Variants in DAG1 observed in about 807,000 individuals in gnomAD.
DAG1 encodes dystroglycan 1, also known as dystroglycan 1 (dystrophin-associated glycoprotein 1).
In DAG1, 8 loss-of-function variants were observed where a neutral mutation model predicts 46.1. The ratio of observed to expected loss-of-function variants is 0.17; its 90% CI spans 0.10 to 0.31. DAG1 has a LOEUF of 0.31. Among genes scored for constraint, DAG1 ranks in the 10% least tolerant of loss-of-function variants. The pLI, the probability that DAG1 is intolerant of heterozygous loss-of-function variation, is 1.00. For synonymous variants in DAG1, 495 were observed against 481.8 expected (o/e 1.03, Z -0.36); for missense variants, 1,003 against 1,189.9 (o/e 0.84, Z 2.31).
At chr3:49,511,838 T>C (rs1396493567) in intron 2 of DAG1, among the ~76,000 whole-genome samples, 1 of 152,220 alleles carries the variant, frequency 6.6e-6, no homozygotes, top group Admixed American at 6.5e-5. Context: ...TTTTAGGCTT[T>C]GCAGGCCATA....
At chr3:49,526,115 T>A (rs2051164367) in intron 2 of DAG1, among the ~76,000 whole-genome samples, 1 of 152,184 alleles carries the variant, frequency 6.6e-6, no homozygotes, top group African/African-American at 2.4e-5. Flanking sequence ...CCTCCCAAAG[T>A]ACTAGGATTA....
intron 1 of DAG1, among the ~76,000 whole-genome samples, chr3:49,503,057 T>C (rs1031338107): frequency 3.3e-5 from 5 of 152,260 alleles, no homozygotes; most frequent in African/African-American, 1.2e-4. Flanking sequence ...ACATTAGGAT[T>C]GTTTTTAACT....
intron 1 of DAG1, among the ~76,000 whole-genome samples, chr3:49,500,106 G>A (rs1433627322): frequency 1.1e-4 from 3 of 27,996 alleles, no homozygotes; most frequent in Non-Finnish European, 2.3e-4. Context: ...TCCGCTTCCC[G>A]GGTTCAAGCA....
chr3:49,471,766 C>T (rs1439643955), intron 1 of DAG1, among the ~76,000 whole-genome samples: 3 of 152,232 alleles, frequency 2.0e-5, no homozygotes, highest in African/African-American at 7.2e-5. Flanking sequence ...TTTTGATTCA[C>T]TACCTGCCAA....
At chr3:49,515,316 A>ATT (rs1465957776) in intron 2 of DAG1, among the ~76,000 whole-genome samples, 3 of 132,636 alleles carry the variant, frequency 2.3e-5, no homozygotes, top group Non-Finnish European at 1.6e-5. Flanking sequence ...TAGCTTGAGT[A>ATT]TTTTTTTACC....
intron 1 of DAG1, among the ~76,000 whole-genome samples, chr3:49,477,399 C>T (rs1235755759): frequency 6.6e-6 from 1 of 152,162 alleles, no homozygotes; most frequent in Non-Finnish European, 1.5e-5. Flanking sequence ...TCAAGCCATC[C>T]TCCCACCTTG....
In DAG1 at chr3:49,510,685, C is replaced by T. The variant is rs201188388; in HGVS notation, c.151C>T (p.His51Tyr). The T allele has an allele frequency of 1.2e-5, 20 of 1,614,174 alleles. No homozygotes were observed. The highest frequency in any genetic ancestry group is 1.1e-5 in the South Asian group (1 of 91,076). Reference protein sequence around the residue: ...DWENQLEASMHSVLSDLHEAV... With the variant: ...DWENQLEASMYSVLSDLHEAV... ...GGAAAACCAGCTTGAGGCATCCATG[C>T]ACTCAGTGCTCTCAGACCTCCACGA... is the stretch of plus-strand genomic sequence containing the variant. Residue 51 changes from histidine (H) to tyrosine (Y), a missense_variant, in exon 2 of 3, where the codon CAC becomes TAC. His to Tyr is a moderately conservative substitution (Grantham distance 83, BLOSUM62 2). This residue lies in a region of DAG1 where 196 missense variants were observed against 239.1 expected (regional missense o/e 0.82). Transcript: ENST00000308775.
chr3:49,498,458 A>C (rs972163486), intron 1 of DAG1, among the ~76,000 whole-genome samples: 1 of 151,750 alleles, frequency 6.6e-6, no homozygotes, highest in Admixed American at 6.6e-5. Context: ...ACTGTTTTCC[A>C]CTGTGTTGAG....
chr3:49,479,239 G>C (rs750808947), intron 1 of DAG1, among the ~76,000 whole-genome samples: 3 of 151,870 alleles, frequency 2.0e-5, no homozygotes, highest in Non-Finnish European at 4.4e-5. Flanking sequence ...AGAGACAGTT[G>C]TGATCCCCCC....
intron 1 of DAG1, among the ~76,000 whole-genome samples, chr3:49,509,251 AGTGGGAC>A (rs2107632890): frequency 6.6e-6 from 1 of 152,288 alleles, no homozygotes; most frequent in South Asian, 2.1e-4. Context: ...TGGGCAGCAT[AGTGGGAC>A]ACTGTCTGTA....
In DAG1 at chr3:49,532,319, G is replaced by A. The variant is rs576210529; in HGVS notation, c.1808G>A (p.Arg603Lys). 4 of 1,614,184 alleles carry A rather than the reference G, an allele frequency of 2.5e-6. No homozygotes were observed. The African/African-American group carries it at 5.3e-5, about 22-fold the overall frequency. ...GTCCACAGGCGCCCCCAAGGGGATA[G>A]GGCTCCTGCAAGGTTCAAGGCCAAG... Reference protein sequence around the residue: ...IHVHRRPQGDRAPARFKAKFV... With the variant: ...IHVHRRPQGDKAPARFKAKFV... Residue 603 changes from arginine (R) to lysine (K), a missense_variant, in exon 3 of 3, where the codon AGG becomes AAG. This residue lies in a region of DAG1 where 755 missense variants were observed against 854.1 expected (regional missense o/e 0.88). Coordinates refer to ENST00000308775, the MANE Select transcript of DAG1 (RefSeq NM_004393.6). This position sits in a 1 kb window ranked among gnomAD's most constrained non-coding sequence, Gnocchi z 5.4.
At chr3:49,473,948 A>T (rs1424174921) in intron 1 of DAG1, among the ~76,000 whole-genome samples, 1 of 146,196 alleles carries the variant, frequency 6.8e-6, no homozygotes, top group Non-Finnish European at 1.5e-5. Context: ...CAGTGGTGGG[A>T]TCTTGGCTCA....
At position 49,531,832 on chromosome 3, in the gene DAG1, T is replaced by C. The variant is rs899605177; in HGVS notation, c.1321T>C (p.Ser441Pro). The C allele has an allele frequency of 4.3e-6, 7 of 1,610,980 alleles. No homozygotes were observed. Among genetic ancestry groups the C allele is most frequent in the Non-Finnish European group, 5.9e-6 (7 of 1,179,346 alleles). The change falls in exon 3 of 3, where the codon TCC (serine) becomes CCC (proline). Residue 441 changes from serine (S) to proline (P), a missense_variant. By Grantham distance (74) the Ser-to-Pro change is moderately conservative (BLOSUM62 -1). Transcript: ENST00000308775. This position sits in a 1 kb window ranked among gnomAD's most constrained non-coding sequence, Gnocchi z 7.0. ...TPKPATPSTDSTTTTTRRPTK... is the reference protein window; with the variant it reads ...TPKPATPSTDPTTTTTRRPTK... ...AAAACCAGCAACGCCTTCAACTGAC[T>C]CCACCACCACCACGACTCGCAGGCC...
At chr3:49,481,642 C>T (rs2049883963) in intron 1 of DAG1, among the ~76,000 whole-genome samples, 4 of 151,992 alleles carry the variant, frequency 2.6e-5, no homozygotes, top group Non-Finnish European at 5.9e-5. Context: ...CAGTCATGGC[C>T]CTTGGATACC....
chr3:49,469,391 G>A (rs969699637), upstream of DAG1, among the ~76,000 whole-genome samples: 17 of 152,178 alleles, frequency 1.1e-4, no homozygotes, highest in Non-Finnish European at 2.5e-4. Context: ...TTGGGGTGGG[G>A]GGCTGCAGGT....
chr3:49,515,840 G>A (rs918452255), intron 2 of DAG1, among the ~76,000 whole-genome samples: 1 of 151,980 alleles, frequency 6.6e-6, no homozygotes, highest in Non-Finnish European at 1.5e-5. Flanking sequence ...CTTTGTTCTT[G>A]ACCTCTCAAT....
chr3:49,531,455 A>G lies in DAG1; in HGVS notation c.944A>G (p.His315Arg), dbSNP rs777823248. The G allele has an allele frequency of 1.2e-6, 2 of 1,613,912 alleles. No individual in the cohort carries two copies. Among genetic ancestry groups the G allele is most frequent in the Non-Finnish European group, 1.7e-6 (2 of 1,179,978 alleles). ...PLPKRVRRQIHATPTPVTAIG... is the reference protein window; with the variant it reads ...PLPKRVRRQIRATPTPVTAIG... ...CCCAAACGCGTCCGGAGGCAGATCCATGCTACACCCACACCTGTCACTGCC... is the reference window on the plus strand; with the variant it reads ...CCCAAACGCGTCCGGAGGCAGATCCGTGCTACACCCACACCTGTCACTGCC... The change falls in exon 3 of 3, where the codon CAT becomes CGT. Residue 315 changes from histidine (H) to arginine (R), a missense_variant. Physicochemically the swap from His to Arg is conservative, Grantham distance 29. Transcript: ENST00000308775. The surrounding 1 kb of genome is among the most constrained non-coding windows in gnomAD (Gnocchi z 7.0).
rs151057252 is a variant in DAG1, at chr3:49,501,176, C to T, written c.-116-9243C>T. Among the ~76,000 whole-genome samples the T allele has an allele frequency of 1.2e-4, 19 of 152,264 alleles. No individual in the cohort carries two copies. In the East Asian group the frequency reaches 3.1e-3, roughly 25 times the overall value. ...TGCCCATGAAACAGACACCCCATGTCGTCATGTGTCCGCAGATAGCAGACA... is the reference window on the plus strand; with the variant it reads ...TGCCCATGAAACAGACACCCCATGTTGTCATGTGTCCGCAGATAGCAGACA... On this transcript the variant is annotated intron_variant, in intron 1 of 2. Transcript: ENST00000308775.
chr3:49,490,017 G>A (rs2050139340), intron 1 of DAG1, among the ~76,000 whole-genome samples: 1 of 152,114 alleles, frequency 6.6e-6, no homozygotes, highest in Non-Finnish European at 1.5e-5. Flanking sequence ...TCCTGAGAGG[G>A]GGCTTGGACC....
Sources: gnomAD v4.1 joint callset for allele counts (sites outside exome capture counted in the v4.1 genomes callset) on GRCh38, gnomAD v4.1.1 for gene constraint, gnomAD v4.1.1 regional missense constraint, Gnocchi (gnomAD v3.1) non-coding constraint, MANE v1.5 for transcripts, NCBI Gene and HGNC (gene_info 2026-07-23, HGNC 2026-07-21) for gene names.